PCDHGB3: variants seen among roughly 807,000 people sequenced by gnomAD.
PCDHGB3 encodes the protein protocadherin gamma subfamily B, 3.
In PCDHGB3, 40 loss-of-function variants were observed where a neutral mutation model predicts 59.2. The ratio of observed to expected loss-of-function variants is 0.68; its 90% CI spans 0.52 to 0.88. PCDHGB3 has a LOEUF of 0.88. PCDHGB3 is among the 40% of genes least tolerant of loss of function. PCDHGB3 has a pLI of 0.00. For missense variants in PCDHGB3, 1,309 were observed against 1,187.9 expected, an observed-to-expected ratio of 1.10 and a Z score of -1.50; for synonymous variants, 581 against 503.6, an observed-to-expected ratio of 1.15 and a Z score of -2.06.
chr5:141,418,670 G>T (rs767728571), intron 1 of PCDHGB3: 2 of 1,614,042 alleles, frequency 1.2e-6, no homozygotes, highest in Non-Finnish European at 1.7e-6. Context: ...TGACCAGGAC[G>T]AGGGCATCAA....
intron 1 of PCDHGB3, among the ~76,000 whole-genome samples, chr5:141,466,921 AG>A (rs2099132133): frequency 6.6e-6 from 1 of 152,204 alleles, no homozygotes; most frequent in African/African-American, 2.4e-5. Context: ...TCCTTGTATT[AG>A]GAATATTAGT....
chr5:141,485,735 G>C lies in PCDHGB3; in HGVS notation c.2416-9072G>C, dbSNP rs1562107417. ...ACTGGATGTGAAGAAGCGCAGCGAC[G>C]GCAGCCTGGTCCCAGAGCTGCTCCT... is the stretch of plus-strand genomic sequence containing the variant. On this transcript the variant is annotated intron_variant, in intron 1 of 3. Coordinates refer to ENST00000576222, the MANE Select transcript of PCDHGB3 (RefSeq NM_018924.5). This position sits in a 1 kb window ranked among gnomAD's most constrained non-coding sequence, Gnocchi z 5.7. 2.5e-6 allele frequency: 4 copies of C among 1,614,048 alleles called. No individual in the cohort carries two copies. The highest frequency in any genetic ancestry group is 3.4e-6 in the Non-Finnish European group (4 of 1,180,044).
intron 1 of PCDHGB3, chr5:141,390,339 C>T: frequency 6.3e-7 from 1 of 1,591,234 alleles, no homozygotes; most frequent in Non-Finnish European, 8.6e-7. Flanking sequence ...TCCATATTCA[C>T]AAGAAAATAT....
Position 141,512,171 on chromosome 5 carries a change from T to C in PCDHGB3, c.*998T>C, listed in dbSNP as rs140884268. ...GGGCTGAGCTAACAGGACCAATGGA[T>C]TAAACTGGCATTTCAGTCCAAGGAA... On this transcript the variant is annotated 3_prime_UTR_variant, in exon 4 of 4. Transcript: ENST00000576222. 584 of 152,796 alleles carry C rather than the reference T, an allele frequency of 3.8e-3. 5 individuals carry two copies. The highest frequency in any genetic ancestry group is 0.011 in the Admixed American group (167 of 15,298). The allele number at this position is 152,796 out of a possible 1,614,324, so 9.5% of individuals were successfully genotyped here. A position where few individuals can be genotyped will look rare whatever the true frequency, so the allele number is the denominator to read the frequency against.
At chr5:141,372,866 T>A in intron 1 of PCDHGB3, 57 bp downstream of exon 1, 1 of 1,393,006 alleles carries the variant, frequency 7.2e-7, no homozygotes, top group Non-Finnish European at 9.6e-7. Context: ...ATTCATTGAT[T>A]TAGAGATAAA....
chr5:141,480,077 C>T (rs767048249), intron 1 of PCDHGB3, among the ~76,000 whole-genome samples: 2 of 152,142 alleles, frequency 1.3e-5, no homozygotes, highest in Non-Finnish European at 2.9e-5. Flanking sequence ...AAGATTCATG[C>T]ATGATATAAT....
At chr5:141,444,473 G>C (rs943971075) in intron 1 of PCDHGB3, among the ~76,000 whole-genome samples, 6 of 151,972 alleles carry the variant, frequency 3.9e-5, no homozygotes, top group South Asian at 2.1e-4. Flanking sequence ...GCCCGGTCGC[G>C]TACTGGATTT....
chr5:141,393,630 A>T (rs1298038670), intron 1 of PCDHGB3: 7 of 1,613,976 alleles, frequency 4.3e-6, no homozygotes, highest in Non-Finnish European at 5.9e-6. Flanking sequence ...GGATGAGGGA[A>T]TCAACGGAAA....
chr5:141,414,289 C>T (rs1435700383), intron 1 of PCDHGB3: 1 of 1,613,394 alleles, frequency 6.2e-7, no homozygotes, highest in African/African-American at 1.3e-5. Flanking sequence ...AGTCGTAGCC[C>T]TTTTAAATGT....
At chr5:141,374,498 G>A in intron 1 of PCDHGB3, 8 of 1,611,504 alleles carry the variant, frequency 5.0e-6, no homozygotes, top group South Asian at 1.1e-5. Context: ...GGAAGAATTG[G>A]AAGTGAAAAT....
At chr5:141,450,815 A>ATAT (rs1420984335) in intron 1 of PCDHGB3, among the ~76,000 whole-genome samples, 2,245 of 126,710 alleles carry the variant, frequency 0.018, 73 homozygotes, top group African/African-American at 0.063. Flanking sequence ...TATTTATTTA[A>ATAT]TATTATTATT....
chr5:141,504,836 C>A (rs550489904), intron 2 of PCDHGB3, among the ~76,000 whole-genome samples: 2 of 152,200 alleles, frequency 1.3e-5, no homozygotes, highest in East Asian at 3.9e-4. Context: ...TTTTCTCTAG[C>A]TCTGGAACAT....
intron 1 of PCDHGB3, among the ~76,000 whole-genome samples, chr5:141,460,763 T>A (rs904048213): frequency 4.6e-5 from 7 of 152,170 alleles, no homozygotes; most frequent in Admixed American, 1.3e-4. Context: ...ATATACATAT[T>A]GCATATGTAT....
chr5:141,426,756 G>A, intron 1 of PCDHGB3: 1 of 456,302 alleles, frequency 2.2e-6, no homozygotes. Context: ...ATCTGCTATA[G>A]ATGCAGATGT....
At chr5:141,403,121 C>T (rs2094357954) in intron 1 of PCDHGB3, 1 of 1,614,046 alleles carries the variant, frequency 6.2e-7, no homozygotes, top group Non-Finnish European at 8.5e-7. Context: ...TCTGGAGCCC[C>T]GGGAGCTGGC....
chr5:141,448,545 A>T lies in PCDHGB3; in HGVS notation c.2416-46262A>T, dbSNP rs537259621. On this transcript the variant is annotated intron_variant, in intron 1 of 3. Coordinates refer to ENST00000576222, the MANE Select transcript of PCDHGB3 (RefSeq NM_018924.5). ...AGCATCCTGTCAGCATTTCTTATGC[A>T]AATATGTACATATATTTTTATTTCC... 1.5e-4 allele frequency among the ~76,000 whole-genome samples: 23 copies of T among 152,334 alleles called. 1 individual carries two copies. The South Asian group carries it at 2.7e-3, about 18-fold the overall frequency.
At chr5:141,382,770 C>T in intron 1 of PCDHGB3, 7 of 734,404 alleles carry the variant, frequency 9.5e-6, no homozygotes, top group Non-Finnish European at 1.5e-5. Context: ...TTCCAGGCTG[C>T]ACTAAACTCA....
At chr5:141,374,458 C>T (rs1183222146) in intron 1 of PCDHGB3, 1 of 1,613,426 alleles carries the variant, frequency 6.2e-7, no homozygotes. Flanking sequence ...AAATAGTGGA[C>T]ATTAATGACA....
chr5:141,478,631 A>G (rs781339775), intron 1 of PCDHGB3: 1 of 1,553,196 alleles, frequency 6.4e-7, no homozygotes, highest in Non-Finnish European at 8.7e-7. Context: ...CTGTTTTTTT[A>G]GTGATGAAGA....
Sources: gnomAD v4.1 joint callset for allele counts (sites outside exome capture counted in the v4.1 genomes callset) on GRCh38, gnomAD v4.1.1 for gene constraint, Gnocchi (gnomAD v3.1) non-coding constraint, MANE v1.5 for transcripts, NCBI Gene and HGNC (gene_info 2026-07-23, HGNC 2026-07-21) for gene names.